Variants in SYNGR1 observed in about 807,000 individuals in gnomAD.
SYNGR1 encodes the protein synaptogyrin-1.
A neutral mutation model predicts 26.1 loss-of-function variants in SYNGR1; 14 were observed. The ratio of observed to expected loss-of-function variants is 0.54; its 90% CI spans 0.35 to 0.84. The LOEUF is 0.84. Ranked by LOEUF, SYNGR1 falls within the 40% of genes least tolerant of loss-of-function variation. The pLI is 0.01. For synonymous variants in SYNGR1, 141 were observed against 150.1 expected (o/e 0.94, Z 0.44); for missense variants, 319 against 332.9 (o/e 0.96, Z 0.33).
intron 3 of SYNGR1, chr22:39,379,682 G>A (rs1483344855): frequency 6.6e-6 from 1 of 151,470 alleles, no homozygotes; most frequent in Non-Finnish European, 1.5e-5. Flanking sequence ...CTGGGTTTCT[G>A]GAACTTTGTG....
At position 39,374,044 on chromosome 22, in the gene SYNGR1, GGCT is replaced by G. The variant is rs1472133285; in HGVS notation, c.100-270_100-268del. On this transcript the variant is annotated intron_variant, in intron 1 of 3. Coordinates refer to ENST00000328933, the MANE Select transcript of SYNGR1 (RefSeq NM_004711.5). ...GGGCCCAGGAAGACCTTTAGGACCT[GGCT>G]GAGGGGTGTTGGAAGGGGCCACATC... Among the ~76,000 whole-genome samples the G allele has an allele frequency of 3.3e-5, 5 of 152,300 alleles. No homozygotes were observed. The South Asian group carries it at 8.3e-4, about 25-fold the overall frequency.
Position 39,350,044 on chromosome 22 carries a change from G to C in SYNGR1, c.34G>C (p.Gly12Arg). 1 of 1,418,896 alleles carries C rather than the reference G, an allele frequency of 7.0e-7. No individual in the cohort carries two copies. Among genetic ancestry groups the C allele is most frequent in the Non-Finnish European group, 9.4e-7 (1 of 1,068,692 alleles). 87.9% of individuals were successfully genotyped at this position (1,418,896 alleles called of 1,614,324 possible). ...EGGAYGAGKA[G>R]GAFDPYTLVR... ...GGGTGCGTACGGAGCGGGCAAAGCCGGGGGCGCCTTCGACCCCTACACCCT... is the reference window on the plus strand; with the variant it reads ...GGGTGCGTACGGAGCGGGCAAAGCCCGGGGCGCCTTCGACCCCTACACCCT... Residue 12 changes from glycine to arginine, a missense_variant, in exon 1 of 4, where the codon GGG becomes CGG. Coordinates refer to ENST00000328933, the MANE Select transcript of SYNGR1 (RefSeq NM_004711.5). The surrounding 1 kb of genome is among the most constrained non-coding windows in gnomAD (Gnocchi z 4.3).
chr22:39,353,926 C>T (rs1478524460), intron 1 of SYNGR1, among the ~76,000 whole-genome samples: 1 of 152,084 alleles, frequency 6.6e-6, no homozygotes, highest in Non-Finnish European at 1.5e-5. Flanking sequence ...TGCAGTGGCG[C>T]GATCTTGGCT....
In SYNGR1 at chr22:39,374,571, G is replaced by A; in HGVS notation, c.337+18G>A. 1 of 1,611,916 alleles carries A rather than the reference G, an allele frequency of 6.2e-7. No individual in the cohort carries two copies. The highest frequency in any genetic ancestry group is 1.3e-5 in the African/African-American group (1 of 75,028). On this transcript the variant is annotated intron_variant, in intron 2 of 3. Coordinates refer to ENST00000328933, the MANE Select transcript of SYNGR1 (RefSeq NM_004711.5). ...TGTCTCGGGTGAGCCCCACCCAGCA[G>A]GTACCCCCTGCACAGAGTCTACAGA...
intron 1 of SYNGR1, among the ~76,000 whole-genome samples, chr22:39,361,387 C>A (rs1172109231): frequency 8.0e-6 from 1 of 125,286 alleles, no homozygotes. Context: ...GAGACAAAGT[C>A]TTACTCTGTC....
At chr22:39,353,124 C>T (rs544180240) in intron 1 of SYNGR1, among the ~76,000 whole-genome samples, 8 of 152,212 alleles carry the variant, frequency 5.3e-5, no homozygotes, top group South Asian at 4.1e-4. Context: ...GGCCTCCCAA[C>T]GTGCTGGGAT....
intron 1 of SYNGR1, among the ~76,000 whole-genome samples, chr22:39,373,483 G>C (rs1925126419): frequency 6.7e-6 from 1 of 148,924 alleles, no homozygotes; most frequent in South Asian, 2.1e-4. Flanking sequence ...TTTTTGTTTT[G>C]CTTTGTTTTG....
Position 39,356,216 on chromosome 22 carries a change from G to A in SYNGR1, c.99+6107G>A, listed in dbSNP as rs368728879. ...TGAGTAGATGTCCGCCACCACACCC[G>A]GCTAATTTTTATATTTTTAGTAGAG... is the stretch of plus-strand genomic sequence containing the variant. On this transcript the variant is annotated intron_variant, in intron 1 of 3. Coordinates refer to ENST00000328933, the MANE Select transcript of SYNGR1 (RefSeq NM_004711.5). Among the ~76,000 whole-genome samples, 792 of 152,110 alleles carry A rather than the reference G, an allele frequency of 5.2e-3. 13 individuals are homozygous for A. Among genetic ancestry groups the A allele is most frequent in the African/African-American group, 0.017 (695 of 41,506 alleles).
chr22:39,372,271 A>G (rs1466693637), intron 1 of SYNGR1, among the ~76,000 whole-genome samples: 2 of 151,104 alleles, frequency 1.3e-5, no homozygotes, highest in Non-Finnish European at 2.9e-5. Context: ...AGCTGGGACC[A>G]CAGGCACGTG....
chr22:39,372,478 T>C, intron 1 of SYNGR1, among the ~76,000 whole-genome samples: 1 of 118,584 alleles, frequency 8.4e-6, no homozygotes, highest in Non-Finnish European at 1.7e-5. Flanking sequence ...TGAGACGGAG[T>C]TTCTCTCTGT....
intron 1 of SYNGR1, among the ~76,000 whole-genome samples, chr22:39,351,714 T>A (rs1177325494): frequency 6.6e-6 from 1 of 152,250 alleles, no homozygotes; most frequent in Non-Finnish European, 1.5e-5. Flanking sequence ...TTAGCAAAGC[T>A]TTATTGAATC....
At position 39,376,211 on chromosome 22, in the gene SYNGR1, C is replaced by G; in HGVS notation, c.483+14C>G. ...ATCTTCACCTGGGTGAGTACAGCCA[C>G]CGCGCACCAGCCCACACTCGTCCCC... is the stretch of plus-strand genomic sequence containing the variant. On this transcript the variant is annotated intron_variant, in intron 3 of 3. Coordinates refer to ENST00000328933, the MANE Select transcript of SYNGR1 (RefSeq NM_004711.5). 4 of 1,613,904 alleles carry G rather than the reference C, an allele frequency of 2.5e-6. No homozygotes were observed. Among genetic ancestry groups the G allele is most frequent in the Non-Finnish European group, 3.4e-6 (4 of 1,180,034 alleles).
In SYNGR1 at chr22:39,384,028, C is replaced by T. The variant is rs1464138866; in HGVS notation, c.*2114C>T. On this transcript the variant is annotated 3_prime_UTR_variant, in exon 4 of 4. Transcript: ENST00000328933. ...CGCCGCCAGGTGGCCCACATGGGAC[C>T]AGCATGGGGGCAGGTTATCTGTTGG... The T allele has an allele frequency of 1.3e-5, 2 of 152,646 alleles. No homozygotes were observed. Among genetic ancestry groups the T allele is most frequent in the Non-Finnish European group, 2.9e-5 (2 of 68,298 alleles). 9.5% of individuals were successfully genotyped at this position (152,646 alleles called of 1,614,324 possible). A position where few individuals can be genotyped will look rare whatever the true frequency, so the allele number is the denominator to read the frequency against.
At chr22:39,355,890 G>A (rs1001840468) in intron 1 of SYNGR1, among the ~76,000 whole-genome samples, 1 of 152,102 alleles carries the variant, frequency 6.6e-6, no homozygotes, top group East Asian at 1.9e-4. Context: ...GTGGTGGCAC[G>A]CGTCTGTAGT....
rs373299500 is a variant in SYNGR1, at chr22:39,359,907, C to T, written c.99+9798C>T. 1.2e-4 allele frequency among the ~76,000 whole-genome samples: 19 copies of T among 152,210 alleles called. No homozygotes were observed. In the East Asian group the frequency reaches 1.9e-3, roughly 16 times the overall value. ...CTCCAACCCTCCTACCTTTCCATCT[C>T]CCTCTCCCTCCCCTGATCCTAGATC... On this transcript the variant is annotated intron_variant, in intron 1 of 3. Transcript: ENST00000328933.
intron 1 of SYNGR1, among the ~76,000 whole-genome samples, chr22:39,358,006 G>A (rs1367856003): frequency 6.6e-6 from 1 of 152,280 alleles, no homozygotes; most frequent in Non-Finnish European, 1.5e-5. Flanking sequence ...GGGAGTGGCA[G>A]GCAGCTCCAC....
intron 1 of SYNGR1, among the ~76,000 whole-genome samples, chr22:39,366,564 T>G (rs1569178947): frequency 6.6e-6 from 1 of 152,054 alleles, no homozygotes; most frequent in Non-Finnish European, 1.5e-5. Context: ...GAGAATCACT[T>G]GAACCCGGGA....
intron 3 of SYNGR1, 104 bp downstream of exon 3, chr22:39,376,301 GC>G (rs1925280983): frequency 1.9e-6 from 3 of 1,576,122 alleles, no homozygotes; most frequent in African/African-American, 2.7e-5. Context: ...GCCTCTGGGA[GC>G]CCACACTACC....
chr22:39,380,616 C>CTTTTGTTTT (rs1925468014), intron 3 of SYNGR1, among the ~76,000 whole-genome samples: 1 of 69,976 alleles, frequency 1.4e-5, no homozygotes, highest in African/African-American at 7.2e-5. Context: ...CCAAGCTGGC[C>CTTTTGTTTT]TTTTTTTTTT....
Sources: allele counts gnomAD v4.1 joint callset (sites outside exome capture counted in the v4.1 genomes callset), GRCh38; gene constraint gnomAD v4.1.1; non-coding constraint Gnocchi (gnomAD v3.1); transcripts MANE v1.5; gene names NCBI Gene and HGNC (gene_info 2026-07-23, HGNC 2026-07-21).